The following SLC30A7 variants were observed in gnomAD, a reference collection of about 807,000 sequenced individuals.
The protein encoded by SLC30A7 is solute carrier family 30 member 7.
A neutral mutation model predicts 46.0 loss-of-function variants in SLC30A7; 35 were observed. That is an observed-to-expected ratio of 0.76 (90% CI 0.58 to 1.01). The LOEUF (loss-of-function observed/expected upper bound fraction) is 1.01. SLC30A7 is among the 50% of genes least tolerant of loss of function. SLC30A7 has a pLI of 0.00. For synonymous variants in SLC30A7, 147 were observed against 157.8 expected, an observed-to-expected ratio of 0.93 and a Z score of 0.51; for missense variants, 464 against 451.1, an observed-to-expected ratio of 1.03 and a Z score of -0.26.
At chr1:100,918,459 A>G (rs1652735448) in intron 7 of SLC30A7, among the ~76,000 whole-genome samples, 1 of 152,192 alleles carries the variant, frequency 6.6e-6, no homozygotes, top group African/African-American at 2.4e-5. Flanking sequence ...TGAGACTCGT[A>G]TCTCAAAAAG....
At chr1:100,915,179 TTTTCTTTTCTTTCTTTTC>T (rs1455824443) in intron 6 of SLC30A7, among the ~76,000 whole-genome samples, 3 of 80,786 alleles carry the variant, frequency 3.7e-5, no homozygotes, top group Non-Finnish European at 8.3e-5. Context: ...TTCTTTTTTC[TTTTCTTTTCTTTCTTTTC>T]TTTCTTTCTT....
Position 100,980,990 on chromosome 1 carries a change from C to T in SLC30A7, c.*6133C>T, listed in dbSNP as rs1656897198. On this transcript the variant is annotated 3_prime_UTR_variant, in exon 11 of 11. Coordinates refer to ENST00000357650, the MANE Select transcript of SLC30A7 (RefSeq NM_133496.5). ...ATTCAATTACTGATTTAAATATTCC[C>T]AGAATTATTTTTTACCTTTCTCTTT... The T allele has an allele frequency of 6.6e-6, 1 of 151,964 alleles. No individual in the cohort carries two copies. The highest frequency in any genetic ancestry group is 2.1e-4 in the South Asian group (1 of 4,830). 9.4% of individuals were successfully genotyped at this position (151,964 alleles called of 1,614,324 possible). A position where few individuals can be genotyped will look rare whatever the true frequency, so the allele number is the denominator to read the frequency against.
chr1:100,952,220 C>T (rs899079746), intron 8 of SLC30A7, among the ~76,000 whole-genome samples: 5 of 152,208 alleles, frequency 3.3e-5, no homozygotes, highest in South Asian at 2.1e-4. Context: ...CATACACACA[C>T]GCACAAATTC....
chr1:100,923,802 A>G (rs1434300416), intron 8 of SLC30A7, among the ~76,000 whole-genome samples: 1 of 152,152 alleles, frequency 6.6e-6, no homozygotes, highest in Non-Finnish European at 1.5e-5. Flanking sequence ...AAATAAAAGG[A>G]TTTCGTAAAG....
intron 8 of SLC30A7, among the ~76,000 whole-genome samples, chr1:100,923,646 T>C (rs1227248072): frequency 6.6e-6 from 1 of 152,086 alleles, no homozygotes; most frequent in Non-Finnish European, 1.5e-5. Context: ...GGCATGGTGG[T>C]TGTGTACCTA....
Position 100,974,954 on chromosome 1 carries a change from T to C in SLC30A7, c.*97T>C, listed in dbSNP as rs969848810. 4.0e-6 allele frequency: 4 copies of C among 995,810 alleles called. No homozygotes were observed. In the East Asian group the frequency reaches 7.6e-5, roughly 19 times the overall value. The allele number at this position is 995,810 out of a possible 1,614,324, so 61.7% of individuals were successfully genotyped here. The stretch of plus-strand genomic sequence containing the variant: ...CCAGCTTTTTAAAAGAGAGAAATTA[T>C]CACTACAACTCCCGAGCACTAAGTA... On this transcript the variant is annotated 3_prime_UTR_variant, in exon 11 of 11. Transcript: ENST00000357650.
the SLC30A7 span, among the ~76,000 whole-genome samples, chr1:100,992,361 T>A: frequency 6.6e-6 from 1 of 152,154 alleles, no homozygotes; most frequent in Non-Finnish European, 1.5e-5. Flanking sequence ...TACAGTAATA[T>A]ATTTATATCA....
chr1:100,908,744 T>G (rs1041153976), intron 3 of SLC30A7, among the ~76,000 whole-genome samples: 3 of 152,152 alleles, frequency 2.0e-5, no homozygotes, highest in South Asian at 4.1e-4. Flanking sequence ...TCCAAAGTTA[T>G]AATTTTTGTT....
chr1:100,960,986 G>T (rs1173216971), intron 8 of SLC30A7, among the ~76,000 whole-genome samples: 2 of 124,738 alleles, frequency 1.6e-5, no homozygotes, highest in African/African-American at 6.3e-5. Flanking sequence ...GGAGAGTCTC[G>T]CTCTGTCACC....
chr1:100,915,297 A>T (rs1652466535), intron 6 of SLC30A7, among the ~76,000 whole-genome samples: 1 of 91,108 alleles, frequency 1.1e-5, no homozygotes, highest in Non-Finnish European at 2.3e-5. Context: ...AGAGCACTTA[A>T]CATAAGATCT....
rs1653233710 is a variant in SLC30A7, at chr1:100,925,413, A to G, written c.842+3572A>G. Among the ~76,000 whole-genome samples the G allele has an allele frequency of 2.0e-5, 3 of 152,304 alleles. No individual in the cohort carries two copies. In the South Asian group the frequency reaches 6.2e-4, roughly 32 times the overall value. ...AATGATTTTGGCTGCTGTGTGGATA[A>G]TAGATTATAAGGGGGCACAAGTGAG... is the stretch of plus-strand genomic sequence containing the variant. On this transcript the variant is annotated intron_variant, in intron 8 of 10. Transcript: ENST00000357650.
chr1:100,924,714 A>C (rs1399015026), intron 8 of SLC30A7, among the ~76,000 whole-genome samples: 4 of 151,790 alleles, frequency 2.6e-5, no homozygotes, highest in Non-Finnish European at 5.9e-5. Context: ...AATTTGAATC[A>C]AAATAAATTT....
intron 7 of SLC30A7, among the ~76,000 whole-genome samples, chr1:100,920,886 G>GT (rs35527171): frequency 0.17 from 25,086 of 151,916 alleles, 2,131 homozygotes; most frequent in African/African-American, 0.18. Context: ...TTAAAAGAAT[G>GT]TTTGTGGTAT....
chr1:100,964,064 A>G (rs548785834), intron 9 of SLC30A7, among the ~76,000 whole-genome samples: 1 of 152,136 alleles, frequency 6.6e-6, no homozygotes, highest in African/African-American at 2.4e-5. Flanking sequence ...TTTTCTCTAT[A>G]ATGTACCAGG....
chr1:100,902,117 T>C (rs1355287970), intron 2 of SLC30A7, among the ~76,000 whole-genome samples: 1 of 152,202 alleles, frequency 6.6e-6, no homozygotes, highest in African/African-American at 2.4e-5. Context: ...TGAGTTTGTG[T>C]ATTTGCAGCT....
chr1:100,929,090 G>T (rs964917173), intron 8 of SLC30A7, among the ~76,000 whole-genome samples: 15 of 136,094 alleles, frequency 1.1e-4, no homozygotes, highest in African/African-American at 3.3e-4. Context: ...ACTATATATA[G>T]AGAGTGTGTG....
At chr1:100,987,976 A>T in the SLC30A7 span, among the ~76,000 whole-genome samples, 1 of 152,184 alleles carries the variant, frequency 6.6e-6, no homozygotes, top group Non-Finnish European at 1.5e-5. Flanking sequence ...ACTTGTCAGA[A>T]TTCAAACTTG....
At chr1:100,972,315 A>C in intron 10 of SLC30A7, 1 of 343,150 alleles carries the variant, frequency 2.9e-6, no homozygotes, top group Non-Finnish European at 6.1e-6. Flanking sequence ...TAAAACTTGA[A>C]GCTGTCCTCA....
downstream of SLC30A7, among the ~76,000 whole-genome samples, chr1:100,983,392 A>AAC (rs1553245537): frequency 2.0e-3 from 206 of 104,118 alleles, 2 homozygotes; most frequent in African/African-American, 7.2e-3. Flanking sequence ...AAAAAAAAAC[A>AAC]AAACAAAACA....
Sources: allele counts gnomAD v4.1 joint callset (sites outside exome capture counted in the v4.1 genomes callset), GRCh38; gene constraint gnomAD v4.1.1; transcripts MANE v1.5; gene names NCBI Gene and HGNC (gene_info 2026-07-23, HGNC 2026-07-21).